Variants in ZNF704 observed in about 807,000 individuals in gnomAD.
The protein encoded by ZNF704 is glucocorticoid induced gene 1.
A neutral mutation model predicts 44.7 loss-of-function variants in ZNF704; 10 were observed. That is an observed-to-expected ratio of 0.22 (90% CI 0.14 to 0.38). The LOEUF is 0.38. ZNF704 is among the 10% of genes least tolerant of loss of function. The pLI is 1.00. For missense variants in ZNF704, 390 were observed against 545.5 expected (o/e 0.71, Z 2.84); for synonymous variants, 211 against 207.6 (o/e 1.02, Z -0.14).
intron 7 of ZNF704, among the ~76,000 whole-genome samples, chr8:80,653,457 T>A (rs9773390): frequency 2.0e-5 from 3 of 152,132 alleles, no homozygotes; most frequent in African/African-American, 7.2e-5. Flanking sequence ...AGCTGATAAG[T>A]AACTTCAGCA....
intron 2 of ZNF704, among the ~76,000 whole-genome samples, chr8:80,759,518 T>A (rs907744743): frequency 2.0e-5 from 3 of 152,158 alleles, no homozygotes; most frequent in African/African-American, 7.2e-5. Flanking sequence ...GTCACCTTCA[T>A]AATTAGGCTA....
At chr8:80,657,263 C>A (rs149064480) in intron 7 of ZNF704, among the ~76,000 whole-genome samples, 1 of 152,222 alleles carries the variant, frequency 6.6e-6, no homozygotes, top group East Asian at 1.9e-4. Flanking sequence ...AAACAAAAAC[C>A]TTTGAAAATT....
At chr8:80,843,945 ATGTATATATATG>A (rs199688119) in intron 1 of ZNF704, among the ~76,000 whole-genome samples, 2,136 of 147,414 alleles carry the variant, frequency 0.014, 32 homozygotes, top group Middle Eastern at 0.025. Context: ...ATATATGTGT[ATGTATATATATG>A]TGTATATATA....
chr8:80,672,212 A>G (rs1460293058), intron 4 of ZNF704, among the ~76,000 whole-genome samples: 2 of 152,240 alleles, frequency 1.3e-5, no homozygotes, highest in Non-Finnish European at 2.9e-5. Flanking sequence ...GAAAACCACA[A>G]TGAGATACCA....
intron 4 of ZNF704, among the ~76,000 whole-genome samples, chr8:80,674,428 C>T (rs555911096): frequency 2.2e-4 from 33 of 152,240 alleles, no homozygotes; most frequent in East Asian, 3.9e-4. Flanking sequence ...TGAAGCATGG[C>T]GCCAGCACCT....
intron 1 of ZNF704, among the ~76,000 whole-genome samples, chr8:80,872,292 C>G (rs1003529398): frequency 6.6e-6 from 1 of 152,190 alleles, no homozygotes; most frequent in African/African-American, 2.4e-5. Context: ...TAACTACTTG[C>G]TGAAAATTTC....
intron 2 of ZNF704, among the ~76,000 whole-genome samples, chr8:80,786,167 G>A (rs1055204808): frequency 6.6e-6 from 1 of 152,184 alleles, no homozygotes; most frequent in Non-Finnish European, 1.5e-5. Context: ...GGAGGCTGAA[G>A]TGGGAGGATC....
At position 80,675,837 on chromosome 8, in the gene ZNF704, G is replaced by C. The variant is rs147342081; in HGVS notation, c.559-5234C>G. Among the ~76,000 whole-genome samples the C allele has an allele frequency of 2.7e-3, 412 of 152,270 alleles. 3 individuals are homozygous for C. Among genetic ancestry groups the C allele is most frequent in the African/African-American group, 9.2e-3 (384 of 41,552 alleles). ...ATATGTGAACCTGGAATCAGGGAGA[G>C]TCAGGGATAGAGATATAAATTTGGG... On this transcript the variant is annotated intron_variant, in intron 4 of 8. Transcript: ENST00000327835.
intron 2 of ZNF704, among the ~76,000 whole-genome samples, chr8:80,790,966 G>A (rs1192291625): frequency 1.3e-5 from 2 of 152,162 alleles, no homozygotes; most frequent in Non-Finnish European, 2.9e-5. Flanking sequence ...AGGGGGCAGG[G>A]AGGGTGAATG....
intron 7 of ZNF704, among the ~76,000 whole-genome samples, chr8:80,658,012 G>GT (rs1328747327): frequency 2.0e-5 from 3 of 152,084 alleles, no homozygotes; most frequent in Non-Finnish European, 4.4e-5. Context: ...ATCCTAGTGT[G>GT]TAAGACACAT....
chr8:80,794,433 G>A (rs1209904009), intron 2 of ZNF704, among the ~76,000 whole-genome samples: 1 of 152,050 alleles, frequency 6.6e-6, no homozygotes, highest in Non-Finnish European at 1.5e-5. Flanking sequence ...TAATCTTGTA[G>A]CTCAACATTT....
intron 7 of ZNF704, among the ~76,000 whole-genome samples, chr8:80,650,280 C>T (rs1817895703): frequency 6.6e-6 from 1 of 152,236 alleles, no homozygotes; most frequent in Non-Finnish European, 1.5e-5. Context: ...GAACGCAGCG[C>T]AGCTACTCAC....
rs773620027 is a variant in ZNF704 at position 80,844,435 on chromosome 8, C to A, written c.-21-22820G>T. 5.4e-4 allele frequency among the ~76,000 whole-genome samples: 82 copies of A among 152,284 alleles called. 1 individual carries two copies. In the South Asian group the frequency reaches 6.4e-3, roughly 12 times the overall value. On this transcript the variant is annotated intron_variant, in intron 1 of 8. Transcript: ENST00000327835. ...TTCTTTTAAGCACACGAACCCCATT[C>A]ATGAGAGTTTCACCCTCATGACCTA...
At chr8:80,732,812 C>T (rs1208531362) in intron 2 of ZNF704, among the ~76,000 whole-genome samples, 6 of 151,998 alleles carry the variant, frequency 3.9e-5, no homozygotes, top group South Asian at 2.1e-4. Context: ...AAAAATTAGC[C>T]GGGCGTGGTG....
intron 2 of ZNF704, among the ~76,000 whole-genome samples, chr8:80,732,113 T>C (rs918841566): frequency 2.0e-5 from 3 of 152,188 alleles, no homozygotes; most frequent in African/African-American, 4.8e-5. Context: ...AGATTTTTCA[T>C]TGGTTTTGGA....
At chr8:80,747,398 G>A (rs1312367916) in intron 2 of ZNF704, among the ~76,000 whole-genome samples, 5 of 152,074 alleles carry the variant, frequency 3.3e-5, no homozygotes, top group Admixed American at 6.5e-5. Context: ...TACAGGAAAC[G>A]CTAGCTCTGC....
intron 2 of ZNF704, among the ~76,000 whole-genome samples, chr8:80,801,318 C>T (rs2129794041): frequency 6.6e-6 from 1 of 152,224 alleles, no homozygotes; most frequent in East Asian, 1.9e-4. Flanking sequence ...TCAAGTGTTC[C>T]TGATAGATAT....
intron 2 of ZNF704, among the ~76,000 whole-genome samples, chr8:80,746,951 A>T (rs1585998280): frequency 6.6e-6 from 1 of 152,274 alleles, no homozygotes; most frequent in East Asian, 1.9e-4. Flanking sequence ...AAGCAGCACT[A>T]TTTCTATTTT....
At chr8:80,822,451 G>A (rs1194808210) in intron 1 of ZNF704, among the ~76,000 whole-genome samples, 2 of 152,172 alleles carry the variant, frequency 1.3e-5, no homozygotes, top group Admixed American at 1.3e-4. Flanking sequence ...ATCATTGATG[G>A]GACATTTGGG....
Sources: allele counts gnomAD v4.1 joint callset (sites outside exome capture counted in the v4.1 genomes callset), GRCh38; gene constraint gnomAD v4.1.1; transcripts MANE v1.5; gene names NCBI Gene and HGNC (gene_info 2026-07-23, HGNC 2026-07-21).